The following PLS1 variants were observed in gnomAD, a reference collection of about 807,000 sequenced individuals.
The protein encoded by PLS1 is plastin 1.
A neutral mutation model predicts 73.7 loss-of-function variants in PLS1; 32 were observed. The ratio of observed to expected loss-of-function variants is 0.43; its 90% CI spans 0.33 to 0.58. The LOEUF (loss-of-function observed/expected upper bound fraction) is 0.58. Among genes scored for constraint, PLS1 ranks in the 20% least tolerant of loss-of-function variants. PLS1 has a pLI of 0.04. For missense variants in PLS1, 633 were observed against 740.5 expected (o/e 0.85, Z 1.68); for synonymous variants, 217 against 261.3 (o/e 0.83, Z 1.63).
At chr3:142,650,611 C>T (rs142869715) in intron 1 of PLS1, among the ~76,000 whole-genome samples, 32 of 152,192 alleles carry the variant, frequency 2.1e-4, no homozygotes, top group South Asian at 6.2e-4. Context: ...TGATGTGCTG[C>T]GTGGCTTGGA....
chr3:142,707,951 C>G (rs532451758), intron 14 of PLS1, among the ~76,000 whole-genome samples: 3 of 152,282 alleles, frequency 2.0e-5, no homozygotes, highest in African/African-American at 7.2e-5. Flanking sequence ...CATTTAGTAT[C>G]TGTGTGACCA....
At chr3:142,680,873 C>T (rs7641932) in intron 6 of PLS1, among the ~76,000 whole-genome samples, 6,756 of 152,240 alleles carry the variant, frequency 0.044, 500 homozygotes, top group African/African-American at 0.15. Flanking sequence ...AGTCGTCTAG[C>T]GCCAGAGCTC....
Position 142,684,190 on chromosome 3 carries a change from T to A in PLS1, c.745+19T>A. 1 of 1,613,876 alleles carries A rather than the reference T, an allele frequency of 6.2e-7. No individual in the cohort carries two copies. Among genetic ancestry groups the A allele is most frequent in the Non-Finnish European group, 8.5e-7 (1 of 1,179,752 alleles). ...AATGAAGGTAAGATCATTAGAAATA[T>A]TTGCTGTTCATTGACATGTACTTGC... On this transcript the variant is annotated intron_variant, in intron 7 of 15. Coordinates refer to ENST00000457734, the MANE Select transcript of PLS1 (RefSeq NM_001145319.2).
intron 14 of PLS1, among the ~76,000 whole-genome samples, chr3:142,709,673 C>T (rs568663692): frequency 4.7e-4 from 72 of 152,026 alleles, no homozygotes; most frequent in Non-Finnish European, 8.7e-4. Flanking sequence ...AAATATCAGC[C>T]GGGTGTGGTG....
At chr3:142,680,796 TG>T (rs770342317) in intron 6 of PLS1, among the ~76,000 whole-genome samples, 4 of 152,220 alleles carry the variant, frequency 2.6e-5, no homozygotes, top group Admixed American at 6.5e-5. Context: ...GTATATACTA[TG>T]ATTTTATAGA....
chr3:142,683,882 C>T (rs1197211726), intron 6 of PLS1, 124 bp from the exon 7 acceptor site: 35 of 611,244 alleles, frequency 5.7e-5, no homozygotes, highest in South Asian at 8.6e-5. Flanking sequence ...GTGGTATTTT[C>T]GTTGTATAAA....
chr3:142,699,394 G>A (rs1577907826), intron 12 of PLS1, among the ~76,000 whole-genome samples: 2 of 152,156 alleles, frequency 1.3e-5, no homozygotes, highest in Non-Finnish European at 2.9e-5. Flanking sequence ...GGGAGGCAGA[G>A]TTTGCAGTGA....
intron 1 of PLS1, among the ~76,000 whole-genome samples, chr3:142,619,061 T>C (rs1468601251): frequency 6.6e-6 from 1 of 152,204 alleles, no homozygotes; most frequent in East Asian, 1.9e-4. Flanking sequence ...TTCATGTTGA[T>C]GTACATGAGA....
chr3:142,667,495 G>A (rs1189493840), intron 2 of PLS1, among the ~76,000 whole-genome samples: 6 of 151,896 alleles, frequency 4.0e-5, no homozygotes, highest in East Asian at 1.9e-4. Context: ...ACTCTGTCTC[G>A]AAGAAAAAAA....
chr3:142,651,920 G>A (rs1294869235), intron 1 of PLS1, among the ~76,000 whole-genome samples: 2 of 152,208 alleles, frequency 1.3e-5, no homozygotes, highest in Non-Finnish European at 2.9e-5. Flanking sequence ...CCTTGTCAGA[G>A]CCCTTCCAAT....
At chr3:142,638,502 A>C (rs113694352) in intron 1 of PLS1, among the ~76,000 whole-genome samples, 466 of 152,310 alleles carry the variant, frequency 3.1e-3, no homozygotes, top group Non-Finnish European at 5.4e-3. Flanking sequence ...CCTGCTTTTG[A>C]GTGCTCTAAA....
chr3:142,643,785 TCTC>T (rs2036890616), intron 1 of PLS1, among the ~76,000 whole-genome samples: 1 of 151,984 alleles, frequency 6.6e-6, no homozygotes, highest in Admixed American at 6.6e-5. Flanking sequence ...ACAGCTAAGA[TCTC>T]CTACAGTAGT....
rs758119390 is a variant in PLS1, at chr3:142,697,978, T to C, written c.1282T>C (p.Phe428Leu). 6.2e-7 allele frequency: 1 copy of C among 1,612,460 alleles called. No individual in the cohort carries two copies. The highest frequency in any genetic ancestry group is 8.5e-7 in the Non-Finnish European group (1 of 1,178,498). ...YSDLADALVIFQLYEMIRVPV... is the reference protein window; with the variant it reads ...YSDLADALVILQLYEMIRVPV... ...TGACCTTGCAGATGCTTTAGTGATC[T>C]TTCAGCTCTATGAGATGATCCGAGT... Residue 428 changes from phenylalanine (F) to leucine (L), a missense_variant, in exon 12 of 16, where the codon TTT (phenylalanine) becomes CTT (leucine). By Grantham distance (22) the Phe-to-Leu change is conservative (BLOSUM62 0). Coordinates refer to ENST00000457734, the MANE Select transcript of PLS1 (RefSeq NM_001145319.2).
chr3:142,641,192 C>A (rs2036827667), intron 1 of PLS1, among the ~76,000 whole-genome samples: 1 of 142,794 alleles, frequency 7.0e-6, no homozygotes. Flanking sequence ...TATATATAAT[C>A]TGTCTATATT....
chr3:142,600,037 C>A lies in PLS1; in HGVS notation c.-37+3528C>A, dbSNP rs191144489. ...TGTTAGGATTACAGGCCTGAGCCACCATGCTCAGCCTCCCAAGATTAATTT... is the reference window on the plus strand; with the variant it reads ...TGTTAGGATTACAGGCCTGAGCCACAATGCTCAGCCTCCCAAGATTAATTT... On this transcript the variant is annotated intron_variant, in intron 1 of 15. Transcript: ENST00000457734. Among the ~76,000 whole-genome samples, 142 of 152,308 alleles carry A rather than the reference C, an allele frequency of 9.3e-4. 2 individuals are homozygous for A. Among genetic ancestry groups the A allele is most frequent in the African/African-American group, 3.3e-3 (137 of 41,566 alleles).
intron 1 of PLS1, among the ~76,000 whole-genome samples, chr3:142,634,915 C>CTT (rs762435544): frequency 7.0e-6 from 1 of 141,908 alleles, no homozygotes; most frequent in Admixed American, 7.1e-5. Flanking sequence ...ACCATTGTAA[C>CTT]TTTTTTTTTT....
chr3:142,620,505 A>T (rs954370827), intron 1 of PLS1, among the ~76,000 whole-genome samples: 1 of 152,206 alleles, frequency 6.6e-6, no homozygotes, highest in Non-Finnish European at 1.5e-5. Flanking sequence ...ATCTCTAAGC[A>T]AATGTTTATG....
intron 6 of PLS1, among the ~76,000 whole-genome samples, chr3:142,678,838 G>A (rs1327985160): frequency 6.6e-6 from 1 of 151,604 alleles, no homozygotes; most frequent in African/African-American, 2.4e-5. Context: ...GATCCCTGAC[G>A]AATCGCCACA....
intron 9 of PLS1, among the ~76,000 whole-genome samples, chr3:142,687,330 G>A (rs145314296): frequency 1.3e-5 from 2 of 152,160 alleles, no homozygotes; most frequent in African/African-American, 4.8e-5. Context: ...CACCGGCCGT[G>A]GGTTGGACAA....
Sources: allele counts gnomAD v4.1 joint callset (sites outside exome capture counted in the v4.1 genomes callset), GRCh38; gene constraint gnomAD v4.1.1; transcripts MANE v1.5; gene names NCBI Gene and HGNC (gene_info 2026-07-23, HGNC 2026-07-21).